Variants in DNMT1 observed in about 807,000 individuals in gnomAD.
The protein encoded by DNMT1 is DNA methyltransferase 1.
A neutral mutation model predicts 205.3 loss-of-function variants in DNMT1; 24 were observed. The ratio of observed to expected loss-of-function variants is 0.12; its 90% CI spans 0.08 to 0.16. DNMT1 has a LOEUF of 0.16. Among genes scored for constraint, DNMT1 ranks in the 10% least tolerant of loss-of-function variants. DNMT1 has a pLI of 1.00. For synonymous variants in DNMT1, 817 were observed against 839.8 expected (o/e 0.97, Z 0.47); for missense variants, 1,293 against 2,177.7 (o/e 0.59, Z 8.09).
In DNMT1 at chr19:10,159,983, C is replaced by G. The variant is rs561688819; in HGVS notation, c.1089+35G>C. 6 of 1,614,112 alleles carry G rather than the reference C, an allele frequency of 3.7e-6. No individual in the cohort carries two copies. In the South Asian group the frequency reaches 4.4e-5, roughly 12 times the overall value. On this transcript the variant is annotated intron_variant, in intron 15 of 40. Coordinates refer to ENST00000359526, the MANE Select transcript of DNMT1 (RefSeq NM_001130823.3). The surrounding 1 kb of genome is among the most constrained non-coding windows in gnomAD (Gnocchi z 5.0). Reference sequence around the variant, plus strand: ...GAGCAGCTCCCAGCCGCCTCGTGAGCGCCGCCACCGGCTTTATTCCCGGCA... The same window carrying G: ...GAGCAGCTCCCAGCCGCCTCGTGAGGGCCGCCACCGGCTTTATTCCCGGCA...
chr19:10,180,910 A>G (rs771249216), intron 2 of DNMT1, 25 bp from the exon 3 acceptor site: 5 of 1,596,112 alleles, frequency 3.1e-6, no homozygotes, highest in Non-Finnish European at 3.4e-6. Context: ...TAGGTTTAGC[A>G]GTACCCACAT....
intron 30 of DNMT1, chr19:10,141,765 C>T (rs2145269266): frequency 5.9e-6 from 3 of 510,300 alleles, no homozygotes; most frequent in East Asian, 6.7e-5. Context: ...GACACTAAAA[C>T]GTTAGGTTCT....
chr19:10,144,166 T>C lies in DNMT1; in HGVS notation c.2895-179A>G. The C allele has an allele frequency of 1.4e-6, 1 of 690,114 alleles. No individual in the cohort carries two copies. 42.7% of individuals were successfully genotyped at this position (690,114 alleles called of 1,614,324 possible). A position where few individuals can be genotyped will look rare whatever the true frequency, so the allele number is the denominator to read the frequency against. On this transcript the variant is annotated intron_variant, in intron 28 of 40. Coordinates refer to ENST00000359526, the MANE Select transcript of DNMT1 (RefSeq NM_001130823.3). ...GGCTCACGCCTGTAATCCCAGCACTTTGGGAGACCAAGGCAGGTGGACCAC... is the reference window on the plus strand; with the variant it reads ...GGCTCACGCCTGTAATCCCAGCACTCTGGGAGACCAAGGCAGGTGGACCAC...
At chr19:10,187,016 T>C (rs2145399993) in intron 1 of DNMT1, among the ~76,000 whole-genome samples, 1 of 152,004 alleles carries the variant, frequency 6.6e-6, no homozygotes, top group South Asian at 2.1e-4. Context: ...GAGAAGTGGC[T>C]GGTTCTGGAA....
In DNMT1 at chr19:10,140,954, A is replaced by T. The variant is rs1382301302; in HGVS notation, c.3395-45T>A. On this transcript the variant is annotated intron_variant, in intron 31 of 40. Coordinates refer to ENST00000359526, the MANE Select transcript of DNMT1 (RefSeq NM_001130823.3). This position sits in a 1 kb window ranked among gnomAD's most constrained non-coding sequence, Gnocchi z 8.4. ...GGCTAAACCCGATCCTCAGAGTCCA[A>T]GTCCACCTTGCTCTCAAGCGCCTTG... 1.2e-6 allele frequency: 2 copies of T among 1,613,626 alleles called. No homozygotes were observed. Among genetic ancestry groups the T allele is most frequent in the Admixed American group, 1.7e-5 (1 of 59,992 alleles).
chr19:10,167,409 C>T (rs1417539253), intron 10 of DNMT1, among the ~76,000 whole-genome samples: 5 of 152,124 alleles, frequency 3.3e-5, no homozygotes, highest in Non-Finnish European at 5.9e-5. Context: ...GTTGGCCAGG[C>T]TGATCTTGAA....
At chr19:10,174,296 G>C (rs773424440) in intron 7 of DNMT1, among the ~76,000 whole-genome samples, 7 of 152,092 alleles carry the variant, frequency 4.6e-5, no homozygotes, top group Non-Finnish European at 1.0e-4. Context: ...TGCGCCTGTA[G>C]TCCCAGCTGC....
Position 10,146,507 on chromosome 19 carries a change from G to A in DNMT1, c.2738C>T (p.Ala913Val). 1 of 1,614,108 alleles carries A rather than the reference G, an allele frequency of 6.2e-7. No homozygotes were observed. Among genetic ancestry groups the A allele is most frequent in the Middle Eastern group, 1.6e-4 (1 of 6,062 alleles). The change falls in exon 28 of 41, where the codon GCC becomes GTC. Residue 913 changes from alanine to valine, a missense_variant. By Grantham distance (64) the Ala-to-Val change is moderately conservative (BLOSUM62 0). Around this residue, in one of 13 missense-constraint regions of DNMT1, gnomAD observed 112 missense variants for 116.6 expected, o/e 0.96. Coordinates refer to ENST00000359526, the MANE Select transcript of DNMT1 (RefSeq NM_001130823.3). The surrounding 1 kb of genome is among the most constrained non-coding windows in gnomAD (Gnocchi z 4.4). ...DNKFKFCVSCARLAEMRQKEI... is the reference protein window; with the variant it reads ...DNKFKFCVSCVRLAEMRQKEI... ...TTTTTGCCTCATCTCAGCCAGACGG[G>A]CACAGCTCACACAGAATCTGAAGGA...
At chr19:10,162,898 G>T in intron 12 of DNMT1, 150 bp from the exon 13 acceptor site, 1 of 819,110 alleles carries the variant, frequency 1.2e-6, no homozygotes, top group Non-Finnish European at 2.0e-6. Context: ...TTGTCATCCC[G>T]AGACGAGGCC....
chr19:10,154,151 G>T lies in DNMT1; in HGVS notation c.2019+142C>A. 1 of 881,718 alleles carries T rather than the reference G, an allele frequency of 1.1e-6. No homozygotes were observed. Among genetic ancestry groups the T allele is most frequent in the Non-Finnish European group, 1.9e-6 (1 of 536,194 alleles). 54.6% of individuals were successfully genotyped at this position (881,718 alleles called of 1,614,324 possible). A position where few individuals can be genotyped will look rare whatever the true frequency, so the allele number is the denominator to read the frequency against. On this transcript the variant is annotated intron_variant, in intron 22 of 40. Coordinates refer to ENST00000359526, the MANE Select transcript of DNMT1 (RefSeq NM_001130823.3). This position sits in a 1 kb window ranked among gnomAD's most constrained non-coding sequence, Gnocchi z 6.3. ...CAATGAAGTATGCAGGGTCCTCCCA[G>T]ACCACTAACTAATTTCTGTCTCAGG...
At chr19:10,163,647 C>T (rs1283209251) in intron 11 of DNMT1, among the ~76,000 whole-genome samples, 1 of 152,212 alleles carries the variant, frequency 6.6e-6, no homozygotes, top group Non-Finnish European at 1.5e-5. Flanking sequence ...TTCAGCTTTG[C>T]TGACCACGTG....
chr19:10,140,679 T>A lies in DNMT1; in HGVS notation c.3523+102A>T. On this transcript the variant is annotated intron_variant, in intron 32 of 40. Coordinates refer to ENST00000359526, the MANE Select transcript of DNMT1 (RefSeq NM_001130823.3). This position sits in a 1 kb window ranked among gnomAD's most constrained non-coding sequence, Gnocchi z 8.4. ...CACCGTGCCTGGCCTCGGAAGGAGA[T>A]TCTTGAGTCAGGAAGGTGACCGGGG... 1 of 1,600,502 alleles carries A rather than the reference T, an allele frequency of 6.2e-7. No homozygotes were observed. The highest frequency in any genetic ancestry group is 8.5e-7 in the Non-Finnish European group (1 of 1,169,780).
At chr19:10,155,728 T>A in intron 19 of DNMT1, 125 bp downstream of exon 19, 2 of 994,486 alleles carry the variant, frequency 2.0e-6, no homozygotes, top group South Asian at 1.4e-5. Context: ...CTGCTAAGGT[T>A]CCCAGTCACA....
At chr19:10,153,711 A>G (rs1163077351) in intron 22 of DNMT1, among the ~76,000 whole-genome samples, 6 of 152,136 alleles carry the variant, frequency 3.9e-5, no homozygotes, top group Non-Finnish European at 8.8e-5. Flanking sequence ...CAAGAAAAAT[A>G]AAATAAAACC....
chr19:10,180,927 G>A lies in DNMT1; in HGVS notation c.118-42C>T, dbSNP rs1449060611. 2.0e-6 allele frequency: 3 copies of A among 1,533,630 alleles called. No individual in the cohort carries two copies. In the African/African-American group the frequency reaches 4.1e-5, roughly 21 times the overall value. On this transcript the variant is annotated intron_variant, in intron 2 of 40. Transcript: ENST00000359526. Reference sequence around the variant, plus strand: ...GGTTTAGCAGTACCCACATTCCCAAGCTATTCACTAGTGGACTAATACACA... The same window carrying A: ...GGTTTAGCAGTACCCACATTCCCAAACTATTCACTAGTGGACTAATACACA...
rs35238334 is a variant in DNMT1, at chr19:10,186,838, C to CAAAAAA, written c.81-4767_81-4762dup. Reference sequence around the variant, plus strand: ...GGACAACAAGAGTGAAACTCCGTCTCAAAAAAAAAAAAAAAAAAAAAGATA... The same window carrying CAAAAAA: ...GGACAACAAGAGTGAAACTCCGTCTCAAAAAAAAAAAAAAAAAAAAAAAAAAAGATA... On this transcript the variant is annotated intron_variant, in intron 1 of 40. Coordinates refer to ENST00000359526, the MANE Select transcript of DNMT1 (RefSeq NM_001130823.3). 4.5e-4 allele frequency among the ~76,000 whole-genome samples: 32 copies of CAAAAAA among 70,682 alleles called. 1 individual carries two copies. Among genetic ancestry groups the CAAAAAA allele is most frequent in the African/African-American group, 1.7e-3 (29 of 16,962 alleles). 46.4% of individuals were successfully genotyped at this position (70,682 alleles called of 152,430 possible). A position where few individuals can be genotyped will look rare whatever the true frequency, so the allele number is the denominator to read the frequency against.
intron 19 of DNMT1, 96 bp downstream of exon 19, chr19:10,155,757 C>G (rs1027914136): frequency 2.3e-6 from 3 of 1,325,582 alleles, no homozygotes; most frequent in African/African-American, 2.9e-5. Context: ...TGCAAGCCTG[C>G]TGAGAATTCC....
In DNMT1 at chr19:10,186,381, TG is replaced by T. The variant is rs1165636882; in HGVS notation, c.81-4305del. 2.0e-5 allele frequency among the ~76,000 whole-genome samples: 3 copies of T among 152,018 alleles called. No homozygotes were observed. In the South Asian group the frequency reaches 6.2e-4, roughly 31 times the overall value. ...CGACATCCCTTCCCTGGTAAAACTG[TG>T]ATGACACCGATCACACCTGCTGAAG... On this transcript the variant is annotated intron_variant, in intron 1 of 40. Coordinates refer to ENST00000359526, the MANE Select transcript of DNMT1 (RefSeq NM_001130823.3).
Position 10,160,001 on chromosome 19 carries a change from T to A in DNMT1, c.1089+17A>T. ...TCGTGAGCGCCGCCACCGGCTTTAT[T>A]CCCGGCAGATGTTTACCTTGGAGTT... On this transcript the variant is annotated intron_variant, in intron 15 of 40. Coordinates refer to ENST00000359526, the MANE Select transcript of DNMT1 (RefSeq NM_001130823.3). The A allele has an allele frequency of 6.2e-7, 1 of 1,614,230 alleles. No homozygotes were observed. The highest frequency in any genetic ancestry group is 8.5e-7 in the Non-Finnish European group (1 of 1,180,044).
Sources: allele counts gnomAD v4.1 joint callset (sites outside exome capture counted in the v4.1 genomes callset), GRCh38; gene constraint gnomAD v4.1.1; regional missense constraint gnomAD v4.1.1; non-coding constraint Gnocchi (gnomAD v3.1); transcripts MANE v1.5; gene names NCBI Gene and HGNC (gene_info 2026-07-23, HGNC 2026-07-21).